DLG2: variants seen among roughly 807,000 people sequenced by gnomAD.
DLG2 encodes the protein discs large MAGUK scaffold protein 2, also known as disks large homolog 2.
A neutral mutation model predicts 132.5 loss-of-function variants in DLG2; 45 were observed. The observed-to-expected ratio is 0.34, with a 90% CI of 0.27 to 0.44. The LOEUF (loss-of-function observed/expected upper bound fraction) is 0.44, where lower values mean the gene tolerates loss of function less well. Ranked by LOEUF, DLG2 falls within the 20% of genes least tolerant of loss-of-function variation. The probability of loss-of-function intolerance (pLI) is 1.00; values close to 1 mark genes in which losing one functional copy is unlikely to be tolerated. For synonymous variants in DLG2, 424 were observed against 419.6 expected (o/e 1.01, Z -0.13); for missense variants, 1,045 against 1,196.9 (o/e 0.87, Z 1.87).
intron 11 of DLG2, among the ~76,000 whole-genome samples, chr11:84,006,505 A>G (rs1481854579): frequency 6.6e-6 from 1 of 151,414 alleles, no homozygotes; most frequent in Non-Finnish European, 1.5e-5. Context: ...AGTATTTAAC[A>G]CTTTAAGTAT....
At chr11:85,502,731 T>C (rs1030560840) in intron 3 of DLG2, among the ~76,000 whole-genome samples, 1 of 152,044 alleles carries the variant, frequency 6.6e-6, no homozygotes, top group African/African-American at 2.4e-5. Flanking sequence ...GATGGGTTGA[T>C]AGGTGCGGCA....
intron 8 of DLG2, among the ~76,000 whole-genome samples, chr11:84,179,197 CA>C (rs1220059361): frequency 6.6e-6 from 1 of 151,994 alleles, no homozygotes; most frequent in Non-Finnish European, 1.5e-5. Flanking sequence ...ATTTTGGAGT[CA>C]AAAACTGAAA....
intron 6 of DLG2, among the ~76,000 whole-genome samples, chr11:84,976,904 T>G (rs1431717831): frequency 6.6e-6 from 1 of 152,160 alleles, no homozygotes; most frequent in Non-Finnish European, 1.5e-5. Context: ...GGAACACATA[T>G]CTCCTGTTTT....
At chr11:84,805,434 GTCT>G in intron 6 of DLG2, among the ~76,000 whole-genome samples, 1 of 152,216 alleles carries the variant, frequency 6.6e-6, no homozygotes, top group East Asian at 1.9e-4. Flanking sequence ...TTAGATCTGC[GTCT>G]CCACCCAAAT....
At chr11:84,462,331 T>G (rs1178935840) in intron 7 of DLG2, among the ~76,000 whole-genome samples, 1 of 151,072 alleles carries the variant, frequency 6.6e-6, no homozygotes, top group Non-Finnish European at 1.5e-5. Flanking sequence ...ATTTGATGAC[T>G]ATATATACTA....
chr11:84,002,375 C>G (rs1230063144), intron 11 of DLG2, among the ~76,000 whole-genome samples: 2 of 152,158 alleles, frequency 1.3e-5, no homozygotes, highest in African/African-American at 4.8e-5. Context: ...GTGGGGGTGC[C>G]CACCCGACAT....
intron 7 of DLG2, among the ~76,000 whole-genome samples, chr11:84,427,063 C>T (rs966949033): frequency 2.0e-5 from 3 of 152,142 alleles, no homozygotes; most frequent in South Asian, 4.1e-4. Flanking sequence ...TATAATTACA[C>T]ACCTCCTCAT....
intron 6 of DLG2, among the ~76,000 whole-genome samples, chr11:85,011,560 G>A (rs541739767): frequency 1.3e-5 from 2 of 152,084 alleles, no homozygotes; most frequent in Non-Finnish European, 2.9e-5. Context: ...CTTTGACTTC[G>A]ACTGACTGTA....
intron 7 of DLG2, among the ~76,000 whole-genome samples, chr11:84,456,059 G>A (rs945976438): frequency 1.3e-5 from 2 of 151,288 alleles, no homozygotes; most frequent in Non-Finnish European, 3.0e-5. Flanking sequence ...CTGAGCAGGA[G>A]GGCCTTCATG....
chr11:84,406,269 C>T lies in DLG2; in HGVS notation c.519+128301G>A, dbSNP rs140908994. ...TCTGCCCTTGCCCTGCCTATCTACC[C>T]AGCAAACTAATACCTGACCTTTTTT... On this transcript the variant is annotated intron_variant, in intron 7 of 27. Transcript: ENST00000376104. Among the ~76,000 whole-genome samples, 16 of 152,224 alleles carry T rather than the reference C, an allele frequency of 1.1e-4. No individual in the cohort carries two copies. In the East Asian group the frequency reaches 3.1e-3, roughly 29 times the overall value.
intron 3 of DLG2, among the ~76,000 whole-genome samples, chr11:85,486,796 C>A (rs1033414405): frequency 2.0e-5 from 3 of 151,978 alleles, no homozygotes; most frequent in Non-Finnish European, 4.4e-5. Flanking sequence ...CCTGGCCCCC[C>A]CTGCTACTAC....
At chr11:84,620,024 A>T (rs559699164) in intron 6 of DLG2, among the ~76,000 whole-genome samples, 1 of 151,660 alleles carries the variant, frequency 6.6e-6, no homozygotes, top group East Asian at 1.9e-4. Context: ...GAAGAATTTG[A>T]TCTAGTAGAC....
intron 5 of DLG2, among the ~76,000 whole-genome samples, chr11:85,150,699 A>AGTGTGTGTGTGTGTGTGT (rs71036459): frequency 1.6e-5 from 2 of 127,258 alleles, no homozygotes; most frequent in African/African-American, 6.0e-5. Context: ...AAGGCTACAT[A>AGTGTGTGTGTGTGTGTGT]GTGTGTGTGT....
intron 7 of DLG2, among the ~76,000 whole-genome samples, chr11:84,487,831 C>A (rs2099154848): frequency 6.6e-6 from 1 of 152,052 alleles, no homozygotes; most frequent in Non-Finnish European, 1.5e-5. Context: ...AGGATTTCAA[C>A]AGGTGAAGAA....
At chr11:84,071,532 G>A (rs2096757074) in intron 10 of DLG2, among the ~76,000 whole-genome samples, 1 of 152,130 alleles carries the variant, frequency 6.6e-6, no homozygotes, top group South Asian at 2.1e-4. Flanking sequence ...AGCCTCCTGA[G>A]TATATCCTTT....
chr11:83,479,879 A>C (rs1461827909), intron 22 of DLG2, among the ~76,000 whole-genome samples: 1 of 152,136 alleles, frequency 6.6e-6, no homozygotes, highest in African/African-American at 2.4e-5. Context: ...TAAAAGATTA[A>C]TCAAAGAGAA....
chr11:83,978,584 A>C (rs1039535116), intron 12 of DLG2, among the ~76,000 whole-genome samples: 1 of 152,120 alleles, frequency 6.6e-6, no homozygotes. Flanking sequence ...ACAAACAAAC[A>C]AACAAAAATT....
rs75918733 is a variant in DLG2, at chr11:85,257,451, G to A, written c.186+27769C>T. Among the ~76,000 whole-genome samples, 1,263 of 152,244 alleles carry A rather than the reference G, an allele frequency of 8.3e-3. 13 individuals carry two copies. The highest frequency in any genetic ancestry group is 0.026 in the African/African-American group (1,094 of 41,544). On this transcript the variant is annotated intron_variant, in intron 4 of 27. Coordinates refer to ENST00000376104, the MANE Select transcript of DLG2 (RefSeq NM_001142699.3). ...GAGAGTCAATGTTGAATTTTTACAC[G>A]TAGTGGATTTCTGAAACTAGATAAA...
intron 6 of DLG2, among the ~76,000 whole-genome samples, chr11:84,879,405 A>G (rs1002986397): frequency 6.6e-5 from 10 of 152,172 alleles, no homozygotes; most frequent in African/African-American, 2.4e-4. Context: ...TGATAGCTCA[A>G]AATGATTTTA....
Sources: gnomAD v4.1 joint callset for allele counts (sites outside exome capture counted in the v4.1 genomes callset) on GRCh38, gnomAD v4.1.1 for gene constraint, MANE v1.5 for transcripts, NCBI Gene and HGNC (gene_info 2026-07-23, HGNC 2026-07-21) for gene names.